ZDHHC14: variants seen among roughly 807,000 people sequenced by gnomAD.
ZDHHC14 encodes the protein zDHHC palmitoyltransferase 14, also known as palmitoyltransferase ZDHHC14.
Under a neutral mutation model 47.7 loss-of-function variants are expected in ZDHHC14, and 16 were observed. The observed-to-expected ratio is 0.34, with a 90% CI of 0.23 to 0.51. The LOEUF (loss-of-function observed/expected upper bound fraction) is 0.51, where lower values mean the gene tolerates loss of function less well. ZDHHC14 is among the 20% of genes least tolerant of loss of function. The probability of loss-of-function intolerance (pLI) is 0.97; values close to 1 mark genes in which losing one functional copy is unlikely to be tolerated. For missense variants in ZDHHC14, 515 were observed against 662.5 expected, an observed-to-expected ratio of 0.78 and a Z score of 2.44; for synonymous variants, 293 against 278.9, an observed-to-expected ratio of 1.05 and a Z score of -0.50.
At chr6:157,408,457 C>T (rs139445886) in intron 1 of ZDHHC14, among the ~76,000 whole-genome samples, 197 of 152,306 alleles carry the variant, frequency 1.3e-3, no homozygotes, top group African/African-American at 4.3e-3. Context: ...TCTCCCTCCA[C>T]GCCCTCCAAC....
At chr6:157,469,990 C>A (rs1242278848) in intron 1 of ZDHHC14, among the ~76,000 whole-genome samples, 2 of 152,214 alleles carry the variant, frequency 1.3e-5, no homozygotes, top group Non-Finnish European at 2.9e-5. Context: ...TGTGTGGGTA[C>A]GTTACCTCTA....
At chr6:157,470,016 CACTT>C in intron 1 of ZDHHC14, among the ~76,000 whole-genome samples, 1 of 152,338 alleles carries the variant, frequency 6.6e-6, no homozygotes, top group East Asian at 1.9e-4. Flanking sequence ...TGGAGACTAA[CACTT>C]ACTTGAAAGT....
chr6:157,388,825 A>G (rs1777366768), intron 1 of ZDHHC14, among the ~76,000 whole-genome samples: 2 of 152,344 alleles, frequency 1.3e-5, no homozygotes, highest in South Asian at 4.1e-4. Context: ...CACCCAACCC[A>G]AGAAGCACAT....
intron 1 of ZDHHC14, among the ~76,000 whole-genome samples, chr6:157,386,320 A>C (rs1220334533): frequency 6.6e-6 from 1 of 152,198 alleles, no homozygotes; most frequent in Non-Finnish European, 1.5e-5. Context: ...CAGCCTGGGC[A>C]ACATAGTGAG....
intron 1 of ZDHHC14, among the ~76,000 whole-genome samples, chr6:157,444,248 G>A (rs562147712): frequency 7.5e-4 from 114 of 152,326 alleles, no homozygotes; most frequent in Middle Eastern, 6.8e-3. Flanking sequence ...CATACTTAAT[G>A]ACAGAATCCC....
chr6:157,615,338 C>T (rs896573011), intron 3 of ZDHHC14, among the ~76,000 whole-genome samples: 6 of 152,162 alleles, frequency 3.9e-5, no homozygotes, highest in African/African-American at 7.2e-5. Context: ...GTATTGATGT[C>T]GTACTTCGTC....
At chr6:157,562,178 G>A (rs1782734852) in intron 2 of ZDHHC14, among the ~76,000 whole-genome samples, 1 of 152,192 alleles carries the variant, frequency 6.6e-6, no homozygotes. Flanking sequence ...GTGGGGACCT[G>A]CAGTAGCCTG....
At chr6:157,627,782 A>G (rs1277265134) in intron 3 of ZDHHC14, among the ~76,000 whole-genome samples, 1 of 152,204 alleles carries the variant, frequency 6.6e-6, no homozygotes, top group Non-Finnish European at 1.5e-5. Flanking sequence ...GGGTAACACC[A>G]TCGTTTTCTT....
In ZDHHC14 at chr6:157,593,027, C is replaced by G; in HGVS notation, c.446C>G (p.Pro149Arg). 1 of 1,614,152 alleles carries G rather than the reference C, an allele frequency of 6.2e-7. No individual in the cohort carries two copies. The highest frequency in any genetic ancestry group is 1.1e-5 in the South Asian group (1 of 91,076). ...ACCAGTTCAGGGGGGTACCGCCCGC[C>G]TCCCAGAACCAAAGAAGTCATCATC... is the stretch of plus-strand genomic sequence containing the variant. ...NGTSSGGYRP[P>R]PRTKEVIING... is the part of the protein sequence containing the mutation. Residue 149 changes from proline (P) to arginine (R), a missense_variant, in exon 3 of 9, where the codon CCT becomes CGT. Coordinates refer to ENST00000359775, the MANE Select transcript of ZDHHC14 (RefSeq NM_024630.3).
chr6:157,559,658 CT>C (rs1782630311), intron 2 of ZDHHC14, among the ~76,000 whole-genome samples: 1 of 152,204 alleles, frequency 6.6e-6, no homozygotes, highest in African/African-American at 2.4e-5. Context: ...ATTGTTTTCA[CT>C]GTTTTGTTTT....
chr6:157,666,251 G>A (rs1778551369), intron 8 of ZDHHC14, among the ~76,000 whole-genome samples: 1 of 152,138 alleles, frequency 6.6e-6, no homozygotes, highest in African/African-American at 2.4e-5. Context: ...GTACATAATT[G>A]CTACAATTTT....
At chr6:157,452,937 T>C (rs1049535099) in intron 1 of ZDHHC14, among the ~76,000 whole-genome samples, 1 of 152,064 alleles carries the variant, frequency 6.6e-6, no homozygotes, top group African/African-American at 2.4e-5. Flanking sequence ...ACTCCTAATC[T>C]CAAATGATCC....
intron 3 of ZDHHC14, among the ~76,000 whole-genome samples, chr6:157,602,003 A>G (rs1417432472): frequency 6.6e-6 from 1 of 151,958 alleles, no homozygotes; most frequent in African/African-American, 2.4e-5. Context: ...AGAGATCAAG[A>G]CCATCCTGGC....
intron 1 of ZDHHC14, among the ~76,000 whole-genome samples, chr6:157,486,634 A>T (rs1389993562): frequency 6.6e-6 from 1 of 152,096 alleles, no homozygotes; most frequent in Non-Finnish European, 1.5e-5. Flanking sequence ...ATCAGAACAG[A>T]CCTGTGAACA....
At chr6:157,432,324 G>T (rs1778355037) in intron 1 of ZDHHC14, among the ~76,000 whole-genome samples, 1 of 152,114 alleles carries the variant, frequency 6.6e-6, no homozygotes, top group South Asian at 2.1e-4. Flanking sequence ...TCAACAACTG[G>T]GTTGAATGAA....
rs368163623 is a variant in ZDHHC14 at position 157,560,172 on chromosome 6, A to G, written c.406+17427A>G. Reference sequence around the variant, plus strand: ...GAAAGAGGCAAGTGACTGATTCTGGAGTGAATTTTTGCTGCACTTGCTGGG... The same window carrying G: ...GAAAGAGGCAAGTGACTGATTCTGGGGTGAATTTTTGCTGCACTTGCTGGG... On this transcript the variant is annotated intron_variant, in intron 2 of 8. Transcript: ENST00000359775. 3.0e-4 allele frequency among the ~76,000 whole-genome samples: 46 copies of G among 152,272 alleles called. No homozygotes were observed. In the South Asian group the frequency reaches 8.3e-3, roughly 27 times the overall value.
chr6:157,482,246 A>ATTTCT (rs1246843947), intron 1 of ZDHHC14, among the ~76,000 whole-genome samples: 2 of 141,542 alleles, frequency 1.4e-5, no homozygotes, highest in Non-Finnish European at 3.1e-5. Context: ...TAACGTCTAT[A>ATTTCT]TTTCTTTTCT....
intron 1 of ZDHHC14, among the ~76,000 whole-genome samples, chr6:157,425,472 GGCCAGCTCCTCAAAGAACAATGATA>G (rs1330192611): frequency 1.3e-5 from 2 of 151,950 alleles, no homozygotes; most frequent in Admixed American, 6.6e-5. Flanking sequence ...CAATTATGTT[GGCCAGCTCCTCAAAGAACAATGATA>G]GCGGACATTG....
chr6:157,475,051 G>A (rs1012303071), intron 1 of ZDHHC14, among the ~76,000 whole-genome samples: 16 of 152,114 alleles, frequency 1.1e-4, no homozygotes, highest in Non-Finnish European at 2.2e-4. Context: ...ATTCTAAGTT[G>A]ATTTTTGTAT....
Sources: gnomAD v4.1 joint callset for allele counts (sites outside exome capture counted in the v4.1 genomes callset) on GRCh38, gnomAD v4.1.1 for gene constraint, MANE v1.5 for transcripts, NCBI Gene and HGNC (gene_info 2026-07-23, HGNC 2026-07-21) for gene names.